RRH: variants seen among roughly 807,000 people sequenced by gnomAD.
RRH encodes the protein visual pigment-like receptor peropsin.
In RRH, 36 loss-of-function variants were observed where a neutral mutation model predicts 33.1. The observed-to-expected ratio is 1.09, with a 90% confidence interval of 0.83 to 1.44. The LOEUF (loss-of-function observed/expected upper bound fraction) is 1.44. Among genes scored for constraint, RRH ranks in the 40% most tolerant of loss-of-function variants. The pLI is 0.00. For missense variants in RRH, 393 were observed against 420.2 expected (o/e 0.94, Z 0.57); for synonymous variants, 124 against 140.2 (o/e 0.88, Z 0.82).
intron 2 of RRH, among the ~76,000 whole-genome samples, chr4:109,834,874 A>G (rs1040938828): frequency 1.3e-5 from 2 of 152,182 alleles, no homozygotes; most frequent in Non-Finnish European, 2.9e-5. Context: ...GGATTGTCAG[A>G]CTTTTAAATT....
At chr4:109,829,741 G>A (rs1733710289) in intron 1 of RRH, among the ~76,000 whole-genome samples, 1 of 152,152 alleles carries the variant, frequency 6.6e-6, no homozygotes, top group Non-Finnish European at 1.5e-5. Flanking sequence ...ACCAGGATTT[G>A]AACCCAGGCA....
In RRH at chr4:109,831,902, G is replaced by GT. The variant is rs1733763580; in HGVS notation, c.107-1237_107-1236insT. Among the ~76,000 whole-genome samples the GT allele has an allele frequency of 3.9e-5, 6 of 152,000 alleles. 1 individual carries two copies. In the South Asian group the frequency reaches 1.2e-3, roughly 32 times the overall value. ...CAGAAGCAAGGAGAGGAAAAGAACA[G>GT]GAATCTGGAAGGTTAGTTTAACAGG... On this transcript the variant is annotated intron_variant, in intron 1 of 6. Coordinates refer to ENST00000317735, the MANE Select transcript of RRH (RefSeq NM_006583.5).
At chr4:109,829,034 TA>T (rs1335022849) in intron 1 of RRH, among the ~76,000 whole-genome samples, 1 of 152,140 alleles carries the variant, frequency 6.6e-6, no homozygotes, top group Non-Finnish European at 1.5e-5. Context: ...AGCAATCACT[TA>T]ATTTTCAACT....
intron 1 of RRH, among the ~76,000 whole-genome samples, chr4:109,832,290 T>C (rs1733772188): frequency 6.7e-6 from 1 of 150,118 alleles, no homozygotes; most frequent in South Asian, 2.1e-4. Flanking sequence ...AATAAAACAG[T>C]GGCATTCTGG....
In RRH at chr4:109,834,754, G is replaced by A. The variant is rs74504153; in HGVS notation, c.298-612G>A. On this transcript the variant is annotated intron_variant, in intron 2 of 6. Coordinates refer to ENST00000317735, the MANE Select transcript of RRH (RefSeq NM_006583.5). Reference sequence around the variant, plus strand: ...CATTGCTTAGGAGTGGAATGGTTAAGTTGTAGAGAATGTTCATCTTCAACT... The same window carrying A: ...CATTGCTTAGGAGTGGAATGGTTAAATTGTAGAGAATGTTCATCTTCAACT... Among the ~76,000 whole-genome samples the A allele has an allele frequency of 0.011, 1,732 of 152,146 alleles. 93 individuals carry two copies. In the East Asian group the frequency reaches 0.13, roughly 12 times the overall value.
At chr4:109,839,848 C>G (rs1160520062) in intron 5 of RRH, among the ~76,000 whole-genome samples, 1 of 152,136 alleles carries the variant, frequency 6.6e-6, no homozygotes, top group Non-Finnish European at 1.5e-5. Context: ...TTTTCTTTAT[C>G]CAGTCTATCA....
intron 4 of RRH, among the ~76,000 whole-genome samples, chr4:109,836,891 C>CAAAAAAAAAA (rs56989659): frequency 7.1e-5 from 6 of 84,400 alleles, no homozygotes; most frequent in African/African-American, 3.6e-4. Flanking sequence ...CCTGTCTCTA[C>CAAAAAAAAAA]AAAAAAAAAA....
In RRH at chr4:109,831,157, G is replaced by A. The variant is rs938342866; in HGVS notation, c.107-1982G>A. Among the ~76,000 whole-genome samples, 5 of 152,220 alleles carry A rather than the reference G, an allele frequency of 3.3e-5. No individual in the cohort carries two copies. In the South Asian group the frequency reaches 1.0e-3, roughly 32 times the overall value. On this transcript the variant is annotated intron_variant, in intron 1 of 6. Coordinates refer to ENST00000317735, the MANE Select transcript of RRH (RefSeq NM_006583.5). ...TTTATTCTGGTTGCGTACTTGGTAG[G>A]CAGCAATTTACTGCACTGTTTTTAT...
At chr4:109,828,697 T>C (rs1733687743) in intron 1 of RRH, among the ~76,000 whole-genome samples, 1 of 152,094 alleles carries the variant, frequency 6.6e-6, no homozygotes, top group African/African-American at 2.4e-5. Context: ...TGTTCCAGAA[T>C]GCTTATTGGA....
chr4:109,835,993 G>A lies in RRH; in HGVS notation c.398-14G>A, dbSNP rs1579361706. 1 of 1,614,068 alleles carries A rather than the reference G, an allele frequency of 6.2e-7. No homozygotes were observed. The highest frequency in any genetic ancestry group is 1.1e-5 in the South Asian group (1 of 91,076). ...ATGGCAAATGTTGCTAATATTTCCT[G>A]TGCTTGATAATAGGGAGAAGAATGA... On this transcript the variant is annotated splice_polypyrimidine_tract_variant and intron_variant, in intron 3 of 6. Coordinates refer to ENST00000317735, the MANE Select transcript of RRH (RefSeq NM_006583.5).
At chr4:109,834,026 G>A (rs1019434914) in intron 2 of RRH, among the ~76,000 whole-genome samples, 6 of 152,086 alleles carry the variant, frequency 3.9e-5, no homozygotes, top group Non-Finnish European at 8.8e-5. Flanking sequence ...GAAGGCCACC[G>A]CATGCCATCT....
chr4:109,841,466 A>C (rs1334580005), intron 5 of RRH, among the ~76,000 whole-genome samples: 1 of 152,076 alleles, frequency 6.6e-6, no homozygotes, highest in African/African-American at 2.4e-5. Context: ...AGGGAGAGGA[A>C]GGGGAAGTTA....
At chr4:109,833,402 T>C (rs1733803702) in intron 2 of RRH, 73 bp downstream of exon 2, 2 of 1,202,010 alleles carry the variant, frequency 1.7e-6, no homozygotes, top group Non-Finnish European at 1.2e-6. Context: ...CTAAAACGAA[T>C]CCCAAGAGTT....
At position 109,836,023 on chromosome 4, in the gene RRH, C is replaced by A; in HGVS notation, c.414C>A (p.Thr138=). The part of the protein sequence containing the change: ...CLPDVGRRMT[T]NTYIGLILGA... ...TGATAATAGGGAGAAGAATGACCAC[C>A]AACACTTACATCGGCTTGATTCTGG... The change falls in exon 4 of 7, where the codon ACC becomes ACA. Residue 138 remains threonine (T), a synonymous_variant. Coordinates refer to ENST00000317735, the MANE Select transcript of RRH (RefSeq NM_006583.5). 1 of 1,614,154 alleles carries A rather than the reference C, an allele frequency of 6.2e-7. No homozygotes were observed. The highest frequency in any genetic ancestry group is 8.5e-7 in the Non-Finnish European group (1 of 1,180,036).
At chr4:109,837,714 C>G (rs1387151183) in intron 5 of RRH, 109 bp downstream of exon 5, 6 of 786,266 alleles carry the variant, frequency 7.6e-6, no homozygotes, top group Non-Finnish European at 1.1e-5. Flanking sequence ...CTCCAATTCT[C>G]ACTCCCCAGC....
intron 5 of RRH, among the ~76,000 whole-genome samples, chr4:109,841,044 G>C (rs910784275): frequency 2.0e-5 from 3 of 152,062 alleles, no homozygotes; most frequent in Admixed American, 6.6e-5. Flanking sequence ...TGAGCTCAGT[G>C]AATTCTAGCA....
At chr4:109,835,649 AAGGCT>A (rs559147465) in intron 3 of RRH, among the ~76,000 whole-genome samples, 184 bp downstream of exon 3, 13 of 152,314 alleles carry the variant, frequency 8.5e-5, no homozygotes, top group African/African-American at 3.1e-4. Flanking sequence ...CAAATTTCAT[AAGGCT>A]ATTCACACTT....
At chr4:109,831,769 T>G (rs1473907182) in intron 1 of RRH, among the ~76,000 whole-genome samples, 4 of 152,054 alleles carry the variant, frequency 2.6e-5, no homozygotes, top group Non-Finnish European at 4.4e-5. Flanking sequence ...GCCTGGAATA[T>G]CAGGTTGGGA....
chr4:109,836,125 T>G lies in RRH; in HGVS notation c.516T>G (p.Gly172=). The G allele has an allele frequency of 6.2e-7, 1 of 1,614,196 alleles. No individual in the cohort carries two copies. The change falls in exon 4 of 7, where the codon GGT becomes GGG. Residue 172 remains glycine (G), a synonymous_variant. Coordinates refer to ENST00000317735, the MANE Select transcript of RRH (RefSeq NM_006583.5). The part of the protein sequence containing the change: ...GWASYAPDPT[G]ATCTINWRKN... The stretch of plus-strand genomic sequence containing the variant: ...CTAGTTATGCCCCAGATCCTACTGG[T>G]GCTACGTGTACCATAAACTGGAGGA...
Sources: allele counts gnomAD v4.1 joint callset (sites outside exome capture counted in the v4.1 genomes callset), GRCh38; gene constraint gnomAD v4.1.1; transcripts MANE v1.5; gene names NCBI Gene and HGNC (gene_info 2026-07-23, HGNC 2026-07-21).